Variants in VPS26A observed in about 807,000 individuals in gnomAD.
The protein encoded by VPS26A is vacuolar protein sorting-associated protein 26A.
Under a neutral mutation model 42.4 loss-of-function variants are expected in VPS26A, and 22 were observed. The ratio of observed to expected loss-of-function variants is 0.52; its 90% CI spans 0.37 to 0.74. The LOEUF is 0.74. Ranked by LOEUF, VPS26A falls within the 30% of genes least tolerant of loss-of-function variation. The pLI is 0.00. For synonymous variants in VPS26A, 110 were observed against 123.5 expected (o/e 0.89, Z 0.73); for missense variants, 276 against 379.2 (o/e 0.73, Z 2.26).
chr10:69,138,992 A>G (rs1840982500), intron 2 of VPS26A, among the ~76,000 whole-genome samples: 1 of 152,224 alleles, frequency 6.6e-6, no homozygotes, highest in Admixed American at 6.5e-5. Context: ...TAGTAAGTAC[A>G]TTGTCAGAGT....
chr10:69,152,438 AAT>A (rs1312624889), intron 2 of VPS26A, among the ~76,000 whole-genome samples: 2 of 152,210 alleles, frequency 1.3e-5, no homozygotes, highest in Non-Finnish European at 2.9e-5. Flanking sequence ...TTAAACTTTT[AAT>A]AATATTCCAT....
chr10:69,149,734 G>GTTTTTTTTTTTTTTTTTTTTTTT (rs869048277), intron 2 of VPS26A, among the ~76,000 whole-genome samples: 1 of 21,362 alleles, frequency 4.7e-5, no homozygotes, highest in African/African-American at 9.1e-5. Flanking sequence ...GGTGTTTTTT[G>GTTTTTTTTTTTTTTTTTTTTTTT]TTTTTTTTTT....
At chr10:69,151,282 A>AAAAAACAAAAAACAAAAAACACAC (rs71035063) in intron 2 of VPS26A, among the ~76,000 whole-genome samples, 6 of 136,830 alleles carry the variant, frequency 4.4e-5, no homozygotes, top group African/African-American at 2.0e-4. Flanking sequence ...AAAAAAAAAA[A>AAAAAACAAAAAACAAAAAACACAC]ACACACACAC....
intron 1 of VPS26A, among the ~76,000 whole-genome samples, chr10:69,132,524 C>T (rs755442370): frequency 6.6e-6 from 1 of 151,050 alleles, no homozygotes; most frequent in Non-Finnish European, 1.5e-5. Context: ...CTCACTGCAA[C>T]TTCTGCCTCC....
At chr10:69,150,434 T>TC (rs1841278378) in intron 2 of VPS26A, among the ~76,000 whole-genome samples, 1 of 151,998 alleles carries the variant, frequency 6.6e-6, no homozygotes, top group African/African-American at 2.4e-5. Context: ...AGATGGAGTG[T>TC]CCCTCAGGCT....
intron 5 of VPS26A, chr10:69,161,668 C>A: frequency 2.9e-6 from 1 of 348,192 alleles, no homozygotes; most frequent in Admixed American, 2.9e-5. Flanking sequence ...ACCCATTCCC[C>A]AGTTTCTTCT....
intron 2 of VPS26A, among the ~76,000 whole-genome samples, chr10:69,144,353 G>A (rs1369731477): frequency 6.6e-6 from 1 of 152,032 alleles, no homozygotes; most frequent in Non-Finnish European, 1.5e-5. Flanking sequence ...ATCCATCATT[G>A]TGATATCATA....
At position 69,137,862 on chromosome 10, in the gene VPS26A, G is replaced by GATATATAT. The variant is rs745881334; in HGVS notation, c.153+4828_153+4835dup. Among the ~76,000 whole-genome samples the GATATATAT allele has an allele frequency of 2.7e-3, 385 of 144,870 alleles. 17 individuals carry two copies. The highest frequency in any genetic ancestry group is 9.7e-3 in the African/African-American group (356 of 36,836). On this transcript the variant is annotated intron_variant, in intron 2 of 8. Transcript: ENST00000263559. ...TTTTTCTTTTTTTAAGCTGTATTGAGATATATATATATATATATATTCGCC... is the reference window on the plus strand; with the variant it reads ...TTTTTCTTTTTTTAAGCTGTATTGAGATATATATATATATATATATATATATATTCGCC...
intron 2 of VPS26A, among the ~76,000 whole-genome samples, chr10:69,141,578 T>G (rs1052318536): frequency 2.0e-5 from 3 of 152,216 alleles, no homozygotes; most frequent in Non-Finnish European, 2.9e-5. Flanking sequence ...CTGGAAATAT[T>G]TGAGCAGTGC....
Position 69,163,553 on chromosome 10 carries a change from T to G in VPS26A, c.658+1041T>G, listed in dbSNP as rs1228846182. Among the ~76,000 whole-genome samples the G allele has an allele frequency of 2.0e-5, 3 of 152,348 alleles. No individual in the cohort carries two copies. The South Asian group carries it at 6.2e-4, about 32-fold the overall frequency. On this transcript the variant is annotated intron_variant, in intron 6 of 8. Transcript: ENST00000263559. ...CATGAGCACAATGCTGTAAAAACTT[T>G]TAGCTCATTTGATGGGTAAGGGGGA...
Position 69,155,817 on chromosome 10 carries a change from C to G in VPS26A, c.159C>G (p.Asn53Lys), listed in dbSNP as rs780285465. The G allele has an allele frequency of 6.2e-7, 1 of 1,611,250 alleles. No individual in the cohort carries two copies. Among genetic ancestry groups the G allele is most frequent in the East Asian group, 2.2e-5 (1 of 44,738 alleles). The stretch of plus-strand genomic sequence containing the variant: ...ATAATTTCATGTTTTGGCAGGTAAA[C>G]CTAGCCTTTAAGCAACCTGGAAAGA... ...YDGESVSGKV[N>K]LAFKQPGKRL... Residue 53 changes from asparagine to lysine, a missense_variant, in exon 3 of 9, where the codon AAC (asparagine) becomes AAG (lysine). Transcript: ENST00000263559.
intron 8 of VPS26A, 126 bp downstream of exon 8, chr10:69,168,757 TGATA>T: frequency 8.4e-7 from 1 of 1,191,874 alleles, no homozygotes; most frequent in Non-Finnish European, 1.1e-6. Context: ...ACTGTGGGTA[TGATA>T]GATAAAGAAG....
chr10:69,133,908 A>T (rs1487321420), intron 2 of VPS26A, among the ~76,000 whole-genome samples: 1 of 151,912 alleles, frequency 6.6e-6, no homozygotes, highest in African/African-American at 2.4e-5. Context: ...GCTAGTCTTG[A>T]ACTTCTGGGC....
At chr10:69,124,392 G>C in intron 1 of VPS26A, 112 bp downstream of exon 1, 2 of 1,157,226 alleles carry the variant, frequency 1.7e-6, no homozygotes, top group South Asian at 8.7e-5. Context: ...GGAGCAGGGC[G>C]GGGAGCGGGG....
intron 6 of VPS26A, among the ~76,000 whole-genome samples, chr10:69,163,088 A>G (rs1160708767): frequency 6.6e-6 from 1 of 152,222 alleles, no homozygotes; most frequent in African/African-American, 2.4e-5. Flanking sequence ...AGAACTTTCC[A>G]TAACAATGTG....
At chr10:69,163,334 A>G (rs1452522427) in intron 6 of VPS26A, among the ~76,000 whole-genome samples, 2 of 152,176 alleles carry the variant, frequency 1.3e-5, no homozygotes, top group African/African-American at 2.4e-5. Context: ...TGCCCAGGCT[A>G]GTCTCGAACT....
intron 2 of VPS26A, among the ~76,000 whole-genome samples, chr10:69,134,372 T>A (rs2132191382): frequency 6.6e-6 from 1 of 152,336 alleles, no homozygotes; most frequent in East Asian, 1.9e-4. Context: ...ATACGTAAAT[T>A]TTTCTCTAAA....
At chr10:69,160,877 C>T (rs1303292671) in intron 5 of VPS26A, among the ~76,000 whole-genome samples, 1 of 152,160 alleles carries the variant, frequency 6.6e-6, no homozygotes. Flanking sequence ...TGGGAGCGAC[C>T]TTTGGTTATT....
chr10:69,124,824 G>C (rs1840614734), intron 1 of VPS26A, among the ~76,000 whole-genome samples: 1 of 152,216 alleles, frequency 6.6e-6, no homozygotes, highest in South Asian at 2.1e-4. Context: ...AAATGGGAGA[G>C]AAAAATAAAA....
Sources: allele counts gnomAD v4.1 joint callset (sites outside exome capture counted in the v4.1 genomes callset), GRCh38; gene constraint gnomAD v4.1.1; transcripts MANE v1.5; gene names NCBI Gene and HGNC (gene_info 2026-07-23, HGNC 2026-07-21).